The following PDE1A variants were observed in gnomAD, a reference collection of about 807,000 sequenced individuals.
The protein encoded by PDE1A is phosphodiesterase 1A.
A neutral mutation model predicts 61.7 loss-of-function variants in PDE1A; 35 were observed. The ratio of observed to expected loss-of-function variants is 0.57; its 90% CI spans 0.43 to 0.75. The LOEUF (loss-of-function observed/expected upper bound fraction) is 0.75. Among genes scored for constraint, PDE1A ranks in the 30% least tolerant of loss-of-function variants. PDE1A has a pLI of 0.00. For synonymous variants in PDE1A, 232 were observed against 213.2 expected (o/e 1.09, Z -0.77); for missense variants, 597 against 630.6 (o/e 0.95, Z 0.57).
chr2:182,391,970 T>G (rs1256890291), intron 1 of PDE1A, among the ~76,000 whole-genome samples: 8 of 152,182 alleles, frequency 5.3e-5, no homozygotes, highest in African/African-American at 1.9e-4. Flanking sequence ...TTGAACCAGT[T>G]AACAGAGCCA....
intron 2 of PDE1A, among the ~76,000 whole-genome samples, chr2:182,490,927 C>A (rs182203582): frequency 2.0e-4 from 31 of 152,138 alleles, no homozygotes; most frequent in African/African-American, 5.8e-4. Flanking sequence ...TAGGGAAGGG[C>A]TCTTTTTAGT....
At chr2:182,402,723 CA>C (rs1316740407) in intron 1 of PDE1A, among the ~76,000 whole-genome samples, 1 of 152,204 alleles carries the variant, frequency 6.6e-6, no homozygotes, top group Non-Finnish European at 1.5e-5. Context: ...AAGAAACTAT[CA>C]TCAGAGTGAA....
the PDE1A span, among the ~76,000 whole-genome samples, chr2:182,558,871 G>A: frequency 6.6e-6 from 1 of 152,146 alleles, no homozygotes; most frequent in Non-Finnish European, 1.5e-5. Context: ...ATCAGAATGT[G>A]GGCTTGAATC....
chr2:182,221,129 C>A (rs1688692179), intron 7 of PDE1A, among the ~76,000 whole-genome samples: 1 of 151,936 alleles, frequency 6.6e-6, no homozygotes, highest in African/African-American at 2.4e-5. Context: ...CCACCACCTC[C>A]TCCTCCCTCT....
intron 1 of PDE1A, among the ~76,000 whole-genome samples, chr2:182,426,319 G>GA (rs1298443049): frequency 6.6e-6 from 1 of 152,166 alleles, no homozygotes; most frequent in Non-Finnish European, 1.5e-5. Context: ...CGTTTCCAAA[G>GA]TTTTTCCAGT....
chr2:182,600,343 TTGTTTAG>T, the PDE1A span, among the ~76,000 whole-genome samples: 3 of 152,036 alleles, frequency 2.0e-5, no homozygotes, highest in Non-Finnish European at 4.4e-5. Context: ...TTATTGTAAG[TTGTTTAG>T]AAATCCCAAG....
chr2:182,449,948 T>G (rs551052182), intron 2 of PDE1A, among the ~76,000 whole-genome samples: 1 of 152,090 alleles, frequency 6.6e-6, no homozygotes, highest in Non-Finnish European at 1.5e-5. Context: ...ACTTCAGCTA[T>G]TATACCAAAC....
intron 1 of PDE1A, among the ~76,000 whole-genome samples, chr2:182,299,159 A>G (rs1269204763): frequency 6.6e-6 from 1 of 152,000 alleles, no homozygotes; most frequent in African/African-American, 2.4e-5. Flanking sequence ...TGTGTTGGAT[A>G]CCAAGAGACC....
At chr2:182,485,456 A>AGTTT (rs1687957559) in intron 2 of PDE1A, among the ~76,000 whole-genome samples, 1 of 152,056 alleles carries the variant, frequency 6.6e-6, no homozygotes, top group South Asian at 2.1e-4. Context: ...CTGTACAACA[A>AGTTT]ACCCCCGTGA....
rs78709181 is a variant in PDE1A, at chr2:182,180,074, T to C, written c.1516+5818A>G. Among the ~76,000 whole-genome samples, 839 of 152,284 alleles carry C rather than the reference T, an allele frequency of 5.5e-3. 3 individuals are homozygous for C. The highest frequency in any genetic ancestry group is 6.7e-3 in the Non-Finnish European group (456 of 68,022). Reference sequence around the variant, plus strand: ...TGCAATTGTAATAAAGAAACTTTCATCTTCAGCGTATAAGACTAGAAGTGG... The same window carrying C: ...TGCAATTGTAATAAAGAAACTTTCACCTTCAGCGTATAAGACTAGAAGTGG... On this transcript the variant is annotated intron_variant, in intron 13 of 13. Coordinates refer to ENST00000351439, the Ensembl canonical transcript of PDE1A.
intron 2 of PDE1A, among the ~76,000 whole-genome samples, chr2:182,449,729 A>G (rs1248577236): frequency 1.3e-5 from 2 of 152,068 alleles, no homozygotes; most frequent in Non-Finnish European, 2.9e-5. Flanking sequence ...AAAAAGACCC[A>G]TATTTGAATG....
the PDE1A span, among the ~76,000 whole-genome samples, chr2:182,693,199 G>C: frequency 6.6e-6 from 1 of 152,092 alleles, no homozygotes; most frequent in Non-Finnish European, 1.5e-5. Flanking sequence ...TCAGTAAAGA[G>C]TATAGTGAAC....
At chr2:182,396,746 T>A (rs940563014) in intron 1 of PDE1A, among the ~76,000 whole-genome samples, 1 of 152,238 alleles carries the variant, frequency 6.6e-6, no homozygotes, top group Non-Finnish European at 1.5e-5. Flanking sequence ...AGCTGTATTA[T>A]GTTAGGCATA....
chr2:182,201,825 C>A, intron 8 of PDE1A, 36 bp from the exon 9 acceptor site: 1 of 1,338,576 alleles, frequency 7.5e-7, no homozygotes, highest in Non-Finnish European at 1.1e-6. Context: ...GTTCATTCAG[C>A]CATTTATTGT....
chr2:182,560,634 A>G, the PDE1A span, among the ~76,000 whole-genome samples: 22 of 152,232 alleles, frequency 1.4e-4, no homozygotes, highest in African/African-American at 3.6e-4. Context: ...CTGAGGAATC[A>G]CCACACTGAC....
chr2:182,308,685 A>G (rs1695760199), intron 1 of PDE1A, among the ~76,000 whole-genome samples: 1 of 152,084 alleles, frequency 6.6e-6, no homozygotes, highest in African/African-American at 2.4e-5. Context: ...CTTTCATCCA[A>G]TTGTATGTTT....
intron 1 of PDE1A, among the ~76,000 whole-genome samples, chr2:182,353,005 G>C (rs999868680): frequency 2.6e-5 from 4 of 152,178 alleles, no homozygotes; most frequent in Non-Finnish European, 4.4e-5. Flanking sequence ...AGAGTTCAAT[G>C]AGATAACTAT....
rs145838856 is a variant in PDE1A, at chr2:182,223,715, T to C, written c.776+149A>G. Reference sequence around the variant, plus strand: ...AAAAAATAGTAGTTAATTGATTCAATTGTTAGCAGCTTAAGAAATTTTGCT... The same window carrying C: ...AAAAAATAGTAGTTAATTGATTCAACTGTTAGCAGCTTAAGAAATTTTGCT... On this transcript the variant is annotated intron_variant, in intron 7 of 13. Coordinates refer to ENST00000351439, the Ensembl canonical transcript of PDE1A. 233 of 517,234 alleles carry C rather than the reference T, an allele frequency of 4.5e-4. 2 individuals are homozygous for C. The South Asian group carries it at 6.3e-3, about 14-fold the overall frequency. The allele number at this position is 517,234 out of a possible 1,614,324, so 32.0% of individuals were successfully genotyped here.
At chr2:182,189,024 G>T (rs756364876) in exon 11 of PDE1A, 1 of 1,613,004 alleles carries the variant, frequency 6.2e-7, no homozygotes, top group Non-Finnish European at 8.5e-7. Flanking sequence ...TCACAAAGTG[G>T]GGAAAATGGA....
Sources: allele counts gnomAD v4.1 joint callset (sites outside exome capture counted in the v4.1 genomes callset), GRCh38; gene constraint gnomAD v4.1.1; transcripts MANE v1.5; gene names NCBI Gene and HGNC (gene_info 2026-07-23, HGNC 2026-07-21).